The following NAA15 variants were observed in gnomAD, a reference collection of about 807,000 sequenced individuals.
The protein encoded by NAA15 is N-terminal acetyltransferase.
In NAA15, 34 loss-of-function variants were observed where a neutral mutation model predicts 114.0. The ratio of observed to expected loss-of-function variants is 0.30; its 90% CI spans 0.23 to 0.40. The LOEUF is 0.40. NAA15 is among the 10% of genes least tolerant of loss of function. The pLI is 1.00. For synonymous variants in NAA15, 340 were observed against 338.0 expected, an observed-to-expected ratio of 1.01 and a Z score of -0.06; for missense variants, 658 against 1,004.5, an observed-to-expected ratio of 0.66 and a Z score of 4.66.
At position 139,388,337 on chromosome 4, in the gene NAA15, A is replaced by G; in HGVS notation, c.*253A>G. Reference sequence around the variant, plus strand: ...GTGGTTAAAAAAGATACCTTATCCTATTCCTCCCCACCCACCCATGTTTTT... The same window carrying G: ...GTGGTTAAAAAAGATACCTTATCCTGTTCCTCCCCACCCACCCATGTTTTT... On this transcript the variant is annotated 3_prime_UTR_variant, in exon 20 of 20. Coordinates refer to ENST00000296543, the MANE Select transcript of NAA15 (RefSeq NM_057175.5). 3.5e-6 allele frequency: 1 copy of G among 284,264 alleles called. No individual in the cohort carries two copies. Among genetic ancestry groups the G allele is most frequent in the South Asian group, 7.3e-5 (1 of 13,626 alleles). The allele number at this position is 284,264 out of a possible 1,614,324, so 17.6% of individuals were successfully genotyped here. A position where few individuals can be genotyped will look rare whatever the true frequency, so the allele number is the denominator to read the frequency against.
At chr4:139,360,211 TA>T (rs944482636) in intron 12 of NAA15, among the ~76,000 whole-genome samples, 14 of 152,278 alleles carry the variant, frequency 9.2e-5, no homozygotes, top group African/African-American at 3.1e-4. Flanking sequence ...TATTAATCCC[TA>T]CCCTCAATTA....
chr4:139,371,497 G>GCGCGCACACACA (rs1389164527), intron 15 of NAA15, among the ~76,000 whole-genome samples: 1 of 113,664 alleles, frequency 8.8e-6, no homozygotes, highest in African/African-American at 3.2e-5. Context: ...AAGAAAAGTA[G>GCGCGCACACACA]CACACACACA....
chr4:139,361,923 A>T lies in NAA15; in HGVS notation c.1739A>T (p.His580Leu), dbSNP rs1748144012. ...DNPLTDENKE[H>L]EADTANMSDK... is the part of the protein sequence containing the mutation. Reference sequence around the variant, plus strand: ...CCCCTTACAGATGAGAATAAAGAACACGAAGCTGATACAGGTATAATATTC... The same window carrying T: ...CCCCTTACAGATGAGAATAAAGAACTCGAAGCTGATACAGGTATAATATTC... The change falls in exon 14 of 20, where the codon CAC (histidine) becomes CTC (leucine). Residue 580 changes from histidine to leucine, a missense_variant. Physicochemically the swap from His to Leu is moderately conservative, Grantham distance 99. Transcript: ENST00000296543. The T allele has an allele frequency of 2.5e-6, 4 of 1,609,754 alleles. No individual in the cohort carries two copies. The highest frequency in any genetic ancestry group is 2.5e-6 in the Non-Finnish European group (3 of 1,177,802).
At chr4:139,325,753 G>A (rs894309104) in intron 1 of NAA15, among the ~76,000 whole-genome samples, 6 of 152,086 alleles carry the variant, frequency 3.9e-5, no homozygotes, top group South Asian at 2.1e-4. Flanking sequence ...GGCTCAAGCC[G>A]TCCTCCCATC....
chr4:139,336,074 C>T lies in NAA15; in HGVS notation c.140-774C>T, dbSNP rs187696730. On this transcript the variant is annotated intron_variant, in intron 2 of 19. Transcript: ENST00000296543. ...GTGCCTGGCCAAAAGTATTTTTAAACGGTACATGTTGATTCTTCCTCAGGA... is the reference window on the plus strand; with the variant it reads ...GTGCCTGGCCAAAAGTATTTTTAAATGGTACATGTTGATTCTTCCTCAGGA... Among the ~76,000 whole-genome samples the T allele has an allele frequency of 4.9e-4, 75 of 152,196 alleles. No homozygotes were observed. In the East Asian group the frequency reaches 0.012, roughly 24 times the overall value.
At chr4:139,332,435 A>G (rs1391051485) in intron 1 of NAA15, among the ~76,000 whole-genome samples, 2 of 152,054 alleles carry the variant, frequency 1.3e-5, no homozygotes, top group Non-Finnish European at 2.9e-5. Flanking sequence ...GGCCCTCGAT[A>G]GTGCCTTTTA....
chr4:139,368,943 TC>T (rs1748357680), intron 14 of NAA15, among the ~76,000 whole-genome samples: 1 of 152,244 alleles, frequency 6.6e-6, no homozygotes, highest in Non-Finnish European at 1.5e-5. Flanking sequence ...TGATTTCCAG[TC>T]TTTTGAGACA....
intron 3 of NAA15, among the ~76,000 whole-genome samples, chr4:139,340,057 T>C (rs999915063): frequency 6.6e-6 from 1 of 151,980 alleles, no homozygotes; most frequent in Non-Finnish European, 1.5e-5. Flanking sequence ...TTTGGGAGCT[T>C]ATGCCTGTAA....
intron 1 of NAA15, among the ~76,000 whole-genome samples, chr4:139,333,456 T>C (rs373841290): frequency 1.4e-4 from 21 of 152,154 alleles, no homozygotes; most frequent in African/African-American, 4.6e-4. Context: ...TTTCAGGCTT[T>C]GAGATTTCAC....
chr4:139,322,995 C>T (rs892411665), intron 1 of NAA15, among the ~76,000 whole-genome samples: 7 of 151,110 alleles, frequency 4.6e-5, no homozygotes, highest in Admixed American at 4.6e-4. Context: ...CCAGCCTCAG[C>T]TTAGTATTTG....
intron 15 of NAA15, among the ~76,000 whole-genome samples, chr4:139,372,017 G>A (rs957549918): frequency 3.3e-5 from 5 of 152,104 alleles, no homozygotes; most frequent in Non-Finnish European, 7.4e-5. Flanking sequence ...CCAGGTTCAC[G>A]CCATTCTCCT....
At chr4:139,385,880 T>C (rs1284306593) in intron 18 of NAA15, among the ~76,000 whole-genome samples, 1 of 152,228 alleles carries the variant, frequency 6.6e-6, no homozygotes, top group Admixed American at 6.5e-5. Context: ...GTGCATGTGT[T>C]GCATATACAT....
chr4:139,361,309 T>C (rs751852187), intron 13 of NAA15, among the ~76,000 whole-genome samples: 1 of 152,102 alleles, frequency 6.6e-6, no homozygotes, highest in Non-Finnish European at 1.5e-5. Context: ...ATTTGTATCC[T>C]CAAAAAAAAA....
chr4:139,347,883 T>G (rs1464481940), intron 6 of NAA15, among the ~76,000 whole-genome samples: 1 of 150,642 alleles, frequency 6.6e-6, no homozygotes, highest in Non-Finnish European at 1.5e-5. Context: ...ATACAAAAAA[T>G]TAGCCGGGCG....
chr4:139,344,093 C>T, intron 5 of NAA15, 93 bp from the exon 6 acceptor site: 4 of 1,136,058 alleles, frequency 3.5e-6, no homozygotes, highest in South Asian at 1.7e-5. Context: ...GGATGTTATC[C>T]TTTGACTTCT....
intron 1 of NAA15, among the ~76,000 whole-genome samples, chr4:139,333,231 C>T (rs1343603206): frequency 6.6e-6 from 1 of 152,044 alleles, no homozygotes; most frequent in African/African-American, 2.4e-5. Context: ...TGGGGCCTGA[C>T]TGTACTTGAT....
chr4:139,336,421 T>G (rs1747202023), intron 2 of NAA15, among the ~76,000 whole-genome samples: 1 of 152,172 alleles, frequency 6.6e-6, no homozygotes, highest in Non-Finnish European at 1.5e-5. Context: ...TTTATGTGTA[T>G]TTTTTAAATC....
chr4:139,321,471 GTTTTTTT>G (rs909254599), intron 1 of NAA15, among the ~76,000 whole-genome samples: 11 of 113,242 alleles, frequency 9.7e-5, no homozygotes, highest in Middle Eastern at 5.4e-3. Context: ...GCCCTTATTT[GTTTTTTT>G]TTTTTTTTTT....
intron 1 of NAA15, among the ~76,000 whole-genome samples, chr4:139,313,705 C>T (rs1018336662): frequency 4.0e-5 from 6 of 151,618 alleles, no homozygotes; most frequent in African/African-American, 9.7e-5. Flanking sequence ...CCTCCATGCC[C>T]GGCTAATTTT....
Sources: allele counts gnomAD v4.1 joint callset (sites outside exome capture counted in the v4.1 genomes callset), GRCh38; gene constraint gnomAD v4.1.1; transcripts MANE v1.5; gene names NCBI Gene and HGNC (gene_info 2026-07-23, HGNC 2026-07-21).